CDH5: variants seen among roughly 807,000 people sequenced by gnomAD.
CDH5 encodes the protein cadherin 5.
A neutral mutation model predicts 62.0 loss-of-function variants in CDH5; 28 were observed. The ratio of observed to expected loss-of-function variants is 0.45; its 90% CI spans 0.33 to 0.62. The LOEUF (loss-of-function observed/expected upper bound fraction) is 0.62, where lower values mean the gene tolerates loss of function less well. Ranked by LOEUF, CDH5 falls within the 20% of genes least tolerant of loss-of-function variation. The pLI is 0.02. For synonymous variants in CDH5, 464 were observed against 445.8 expected (o/e 1.04, Z -0.52); for missense variants, 940 against 1,065.1 (o/e 0.88, Z 1.63).
chr16:66,389,262 GGGAAGCTCTTAAGTCA>G, intron 4 of CDH5, 80 bp from the exon 5 acceptor site: 1 of 1,212,132 alleles, frequency 8.2e-7, no homozygotes, highest in Non-Finnish European at 1.2e-6. Context: ...GGAATCACCA[GGGAAGCTCTTAAGTCA>G]GGTTCTCTCT....
At chr16:66,397,926 C>T (rs1335373814) in intron 8 of CDH5, 56 bp from the exon 9 acceptor site, 3 of 1,610,066 alleles carry the variant, frequency 1.9e-6, no homozygotes, top group Non-Finnish European at 1.7e-6. Context: ...ACATCTTCCA[C>T]CGCCCAAGGC....
In CDH5 at chr16:66,379,464, C is replaced by G. The variant is rs145261593; in HGVS notation, c.127C>G (p.Arg43Gly). The G allele has an allele frequency of 6.2e-7, 1 of 1,614,162 alleles. No homozygotes were observed. Among genetic ancestry groups the G allele is most frequent in the South Asian group, 1.1e-5 (1 of 91,078 alleles). The part of the protein sequence containing the change: ...RDTHSLLPTH[R>G]RQKRDWIWNQ... ...CACCCACAGCCTGCTGCCCACCCAC[C>G]GGCGCCAAAAGAGAGATTGGATTTG... Residue 43 changes from arginine to glycine, a missense_variant, in exon 2 of 12, where the codon CGG (arginine) becomes GGG (glycine). Coordinates refer to ENST00000341529, the MANE Select transcript of CDH5 (RefSeq NM_001795.5).
intron 2 of CDH5, among the ~76,000 whole-genome samples, chr16:66,383,221 TA>T (rs748270783): frequency 6.6e-6 from 1 of 150,900 alleles, no homozygotes; most frequent in Non-Finnish European, 1.5e-5. Flanking sequence ...AGACATTAGG[TA>T]AAAAAAAACT....
At chr16:66,385,521 G>A (rs1377126867) in intron 2 of CDH5, among the ~76,000 whole-genome samples, 4 of 152,194 alleles carry the variant, frequency 2.6e-5, no homozygotes, top group African/African-American at 4.8e-5. Flanking sequence ...GGGCCCAGGG[G>A]TGTGCTGATA....
intron 8 of CDH5, among the ~76,000 whole-genome samples, chr16:66,397,733 T>A (rs1961210643): frequency 6.6e-6 from 1 of 152,228 alleles, no homozygotes; most frequent in African/African-American, 2.4e-5. Context: ...ACAATTTTTT[T>A]AATGCACTTA....
chr16:66,392,798 A>C, intron 7 of CDH5: 1 of 180,964 alleles, frequency 5.5e-6, no homozygotes, highest in Non-Finnish European at 1.2e-5. Flanking sequence ...TATACAGTGA[A>C]ACAACACAGA....
chr16:66,384,979 A>G (rs1001352838), intron 2 of CDH5, among the ~76,000 whole-genome samples: 30 of 152,184 alleles, frequency 2.0e-4, no homozygotes, highest in African/African-American at 7.2e-4. Flanking sequence ...ACAAACAAAC[A>G]AAAAAGCAAT....
In CDH5 at chr16:66,403,450, G is replaced by A. The variant is rs1025189070; in HGVS notation, c.*281G>A. 114 of 462,032 alleles carry A rather than the reference G, an allele frequency of 2.5e-4. No homozygotes were observed. Among genetic ancestry groups the A allele is most frequent in the African/African-American group, 1.3e-3 (64 of 51,032 alleles). The allele number at this position is 462,032 out of a possible 1,614,324, so 28.6% of individuals were successfully genotyped here. On this transcript the variant is annotated 3_prime_UTR_variant, in exon 12 of 12. Transcript: ENST00000341529. The surrounding 1 kb of genome is among the most constrained non-coding windows in gnomAD (Gnocchi z 4.3). ...ATAACCCTGTCACCCACAGACCGCC[G>A]TCTAACTCAAAGACTTCCTCTGGCT...
intron 9 of CDH5, 125 bp from the exon 10 acceptor site, chr16:66,398,331 G>A (rs1020567285): frequency 3.8e-6 from 3 of 791,520 alleles, no homozygotes; most frequent in African/African-American, 3.4e-5. Context: ...GAACTAAATA[G>A]GTGAGTGTTG....
In CDH5 at chr16:66,379,567, A is replaced by G; in HGVS notation, c.210+20A>G. ...GGCAAGGTAAGGCTCAAGCCCCAGG[A>G]CAGGAGAAGCCATCAGCAGCTGGCC... On this transcript the variant is annotated intron_variant, in intron 2 of 11. Transcript: ENST00000341529. The G allele has an allele frequency of 6.2e-7, 1 of 1,610,590 alleles. No individual in the cohort carries two copies. The highest frequency in any genetic ancestry group is 1.1e-5 in the South Asian group (1 of 90,976).
chr16:66,388,732 G>C (rs1442611423), intron 4 of CDH5, among the ~76,000 whole-genome samples: 1 of 152,200 alleles, frequency 6.6e-6, no homozygotes, highest in East Asian at 1.9e-4. Context: ...GCCGCTCTGG[G>C]TGCAGGTTCA....
intron 8 of CDH5, among the ~76,000 whole-genome samples, 184 bp from the exon 9 acceptor site, chr16:66,397,798 G>A (rs1369965528): frequency 6.6e-6 from 1 of 151,930 alleles, no homozygotes; most frequent in Non-Finnish European, 1.5e-5. Flanking sequence ...TAAACCTTAT[G>A]GATGAGATTT....
intron 8 of CDH5, among the ~76,000 whole-genome samples, chr16:66,397,543 G>GT (rs1431373226): frequency 6.6e-6 from 1 of 151,940 alleles, no homozygotes. Flanking sequence ...TTAATTATAT[G>GT]TTTAAGATGT....
In CDH5 at chr16:66,400,985, A is replaced by G; in HGVS notation, c.1806A>G (p.Val602=). The G allele has an allele frequency of 6.2e-7, 1 of 1,614,072 alleles. No individual in the cohort carries two copies. The highest frequency in any genetic ancestry group is 8.5e-7 in the Non-Finnish European group (1 of 1,180,048). ...AQVGVSIQAV[V]AILLCILTIT... is the part of the protein sequence containing the mutation. ...TGGGCGTGAGCATCCAGGCAGTGGT[A>G]GCCATCTTACTCTGCATCCTCACCA... Residue 602 remains valine, a synonymous_variant, in exon 11 of 12, where the codon GTA becomes GTG. Transcript: ENST00000341529.
chr16:66,379,293 T>C, intron 1 of CDH5, 26 bp from the exon 2 acceptor site: 1 of 1,534,202 alleles, frequency 6.5e-7, no homozygotes, highest in African/African-American at 1.4e-5. Flanking sequence ...CTGGCCAGAG[T>C]CTGAATGTGT....
In CDH5 at chr16:66,366,712, G is replaced by A. The variant is rs17678927; in HGVS notation, c.-66G>A. On this transcript the variant is annotated 5_prime_UTR_variant, in exon 1 of 12. Transcript: ENST00000341529. The stretch of plus-strand genomic sequence containing the variant: ...CTCCACTCACGCTCAGCCCTGGACG[G>A]ACAGGCAGTCCAACGGAACAGAAAC... 0.03 allele frequency: 4,581 copies of A among 152,450 alleles called. 110 individuals carry two copies. Among genetic ancestry groups the A allele is most frequent in the Middle Eastern group, 0.092 (27 of 294 alleles). 9.4% of individuals were successfully genotyped at this position (152,450 alleles called of 1,614,324 possible). A position where few individuals can be genotyped will look rare whatever the true frequency, so the allele number is the denominator to read the frequency against.
intron 1 of CDH5, among the ~76,000 whole-genome samples, chr16:66,375,060 C>T (rs1209194642): frequency 1.3e-5 from 2 of 152,060 alleles, no homozygotes; most frequent in African/African-American, 4.8e-5. Context: ...AGAGAGTGTG[C>T]TTACACAAAG....
chr16:66,380,769 T>C (rs1360195582), intron 2 of CDH5, among the ~76,000 whole-genome samples: 1 of 150,698 alleles, frequency 6.6e-6, no homozygotes, highest in Non-Finnish European at 1.5e-5. Flanking sequence ...GTTGTGATAG[T>C]GGTTGTGATG....
rs1961100706 is a variant in CDH5 at position 66,392,284 on chromosome 16, A to G, written c.1118A>G (p.Gln373Arg). 2 of 1,614,074 alleles carry G rather than the reference A, an allele frequency of 1.2e-6. No homozygotes were observed. Among genetic ancestry groups the G allele is most frequent in the South Asian group, 1.1e-5 (1 of 91,086 alleles). Residue 373 changes from glutamine (Q) to arginine (R), a missense_variant, in exon 7 of 12, where the codon CAG becomes CGG. Physicochemically the swap from Gln to Arg is conservative, Grantham distance 43. Transcript: ENST00000341529. ...ITDVDEPPIF[Q>R]QPFYHFQLKE... ...GATGTGGACGAGCCCCCCATTTTCC[A>G]GCAGCCTTTCTACCACTTCCAGCTG... is the stretch of plus-strand genomic sequence containing the variant.
Sources: gnomAD v4.1 joint callset for allele counts (sites outside exome capture counted in the v4.1 genomes callset) on GRCh38, gnomAD v4.1.1 for gene constraint, Gnocchi (gnomAD v3.1) non-coding constraint, MANE v1.5 for transcripts, NCBI Gene and HGNC (gene_info 2026-07-23, HGNC 2026-07-21) for gene names.